WDFY4: variants seen among roughly 807,000 people sequenced by gnomAD.
WDFY4 encodes WD repeat- and FYVE domain-containing protein 4.
Under a neutral mutation model 351.9 loss-of-function variants are expected in WDFY4, and 169 were observed. That is an observed-to-expected ratio of 0.48 (90% CI 0.42 to 0.55). The LOEUF (loss-of-function observed/expected upper bound fraction) is 0.55, where lower values mean the gene tolerates loss of function less well. WDFY4 is among the 20% of genes least tolerant of loss of function. WDFY4 has a pLI of 0.00. For synonymous variants in WDFY4, 1,622 were observed against 1,574.6 expected (o/e 1.03, Z -0.71); for missense variants, 3,803 against 3,935.6 (o/e 0.97, Z 0.90).
chr10:48,898,705 TCCTCC>T (rs1289653649), intron 45 of WDFY4, among the ~76,000 whole-genome samples: 3 of 152,110 alleles, frequency 2.0e-5, no homozygotes, highest in Non-Finnish European at 4.4e-5. Context: ...TGAGCACTCT[TCCTCC>T]CTCTGCTGCT....
chr10:48,956,993 G>A, intron 51 of WDFY4, 136 bp from the exon 52 acceptor site: 2 of 1,171,414 alleles, frequency 1.7e-6, no homozygotes, highest in Non-Finnish European at 2.4e-6. Context: ...CTGGGCTGAT[G>A]GGTACACGTG....
chr10:48,954,071 G>T (rs1432673211), intron 51 of WDFY4, among the ~76,000 whole-genome samples: 2 of 152,056 alleles, frequency 1.3e-5, no homozygotes, highest in East Asian at 3.9e-4. Flanking sequence ...CTATTATTTT[G>T]CCCTCAATTT....
In WDFY4 at chr10:48,814,103, G is replaced by T. The variant is rs547234074; in HGVS notation, c.5340+21G>T. On this transcript the variant is annotated intron_variant, in intron 31 of 61. Coordinates refer to ENST00000325239, the MANE Select transcript of WDFY4 (RefSeq NM_001394531.1). ...GCCAGGTGAGACCCATTCCCCACAT[G>T]CTGCCCCGAGGAGGTTCTGATGGGA... The T allele has an allele frequency of 2.6e-6, 4 of 1,524,348 alleles. No homozygotes were observed. In the East Asian group the frequency reaches 9.9e-5, roughly 38 times the overall value. 94.4% of individuals were successfully genotyped at this position (1,524,348 alleles called of 1,614,324 possible).
chr10:48,918,277 G>T (rs1838733924), intron 47 of WDFY4, among the ~76,000 whole-genome samples: 2 of 152,054 alleles, frequency 1.3e-5, no homozygotes, highest in Admixed American at 6.6e-5. Flanking sequence ...CCAATTAAAA[G>T]ACACAATTAT....
At position 48,775,699 on chromosome 10, in the gene WDFY4, A is replaced by G. The variant is rs1233145700; in HGVS notation, c.2769-13A>G. ...AAATGTCTTCATTTTTTCCTCTTGT[A>G]TGTTATGTTCAGACAGTTTCTAGGT... On this transcript the variant is annotated splice_polypyrimidine_tract_variant and intron_variant, in intron 14 of 61. Coordinates refer to ENST00000325239, the MANE Select transcript of WDFY4 (RefSeq NM_001394531.1). 2 of 1,549,786 alleles carry G rather than the reference A, an allele frequency of 1.3e-6. No individual in the cohort carries two copies. The highest frequency in any genetic ancestry group is 1.7e-6 in the Non-Finnish European group (2 of 1,145,426).
intron 40 of WDFY4, among the ~76,000 whole-genome samples, chr10:48,867,920 G>C (rs1444516831): frequency 6.6e-6 from 1 of 152,188 alleles, no homozygotes; most frequent in Non-Finnish European, 1.5e-5. Flanking sequence ...ATAAAAAAAT[G>C]CAGAGATTAT....
chr10:48,901,766 C>CTGAT, intron 46 of WDFY4, 35 bp from the exon 47 acceptor site: 7 of 1,548,824 alleles, frequency 4.5e-6, no homozygotes, highest in Non-Finnish European at 5.2e-6. Context: ...GGTCTTGACT[C>CTGAT]TGCTGATGGA....
In WDFY4 at chr10:48,789,888, C is replaced by A; in HGVS notation, c.3969C>A (p.Ser1323=). The A allele has an allele frequency of 1.3e-6, 2 of 1,552,380 alleles. No homozygotes were observed. The highest frequency in any genetic ancestry group is 1.7e-6 in the Non-Finnish European group (2 of 1,147,126). ...RLIAKEMNIS[S]RDNAMPVFLL... ...CATTTCTCTAGATGAACATTTCATC[C>A]CGTGACAATGCCATGCCCGTGTTCT... The change falls in exon 22 of 62, where the codon TCC becomes TCA. Residue 1323 remains serine, a synonymous_variant. Coordinates refer to ENST00000325239, the MANE Select transcript of WDFY4 (RefSeq NM_001394531.1).
intron 47 of WDFY4, among the ~76,000 whole-genome samples, chr10:48,928,402 G>GTGT (rs1839766870): frequency 6.7e-6 from 1 of 149,506 alleles, no homozygotes; most frequent in Non-Finnish European, 1.5e-5. Flanking sequence ...GTGTGTTGGT[G>GTGT]GGGGTTGGCA....
intron 19 of WDFY4, among the ~76,000 whole-genome samples, chr10:48,784,070 T>C (rs574829282): frequency 6.6e-6 from 1 of 152,356 alleles, no homozygotes; most frequent in Admixed American, 6.5e-5. Context: ...GGATGTGCCA[T>C]AGTTTGTTTA....
In WDFY4 at chr10:48,810,452, G is replaced by T. The variant is rs1589665606; in HGVS notation, c.4839-78G>T. On this transcript the variant is annotated intron_variant, in intron 28 of 61. Coordinates refer to ENST00000325239, the MANE Select transcript of WDFY4 (RefSeq NM_001394531.1). ...TTGCCTCTCCTTGGTGACTTGTAAG[G>T]CTGGACATTTCATATTTTCTGGACA... 3 of 1,391,580 alleles carry T rather than the reference G, an allele frequency of 2.2e-6. No homozygotes were observed. In the East Asian group the frequency reaches 7.5e-5, roughly 35 times the overall value. The allele number at this position is 1,391,580 out of a possible 1,614,324, so 86.2% of individuals were successfully genotyped here.
intron 39 of WDFY4, among the ~76,000 whole-genome samples, chr10:48,843,131 G>C (rs894892310): frequency 1.3e-5 from 2 of 152,250 alleles, no homozygotes; most frequent in Admixed American, 1.3e-4. Flanking sequence ...CTTAGGGACA[G>C]ATACTCAGTT....
chr10:48,849,256 A>G (rs1656703328), intron 39 of WDFY4, among the ~76,000 whole-genome samples: 1 of 152,250 alleles, frequency 6.6e-6, no homozygotes, highest in Non-Finnish European at 1.5e-5. Context: ...AAGTCTATTT[A>G]TAAAATGGAA....
At chr10:48,704,951 G>A (rs1264168610) in intron 1 of WDFY4, among the ~76,000 whole-genome samples, 1 of 41,906 alleles carries the variant, frequency 2.4e-5, no homozygotes, top group Non-Finnish European at 8.3e-5. Flanking sequence ...TAATGCTAGA[G>A]GGGCCCTGGT....
rs1250073031 is a variant in WDFY4, at chr10:48,760,328, G to T, written c.2460-19G>T. On this transcript the variant is annotated intron_variant, in intron 12 of 61. Transcript: ENST00000325239. ...CTGGAAGGTCCGTGTCTCATGTCTG[G>T]CTCTCCCTCTCTCTGCAGGATGGAT... is the stretch of plus-strand genomic sequence containing the variant. 5 of 1,549,640 alleles carry T rather than the reference G, an allele frequency of 3.2e-6. No homozygotes were observed. Among genetic ancestry groups the T allele is most frequent in the Non-Finnish European group, 4.4e-6 (5 of 1,145,572 alleles).
At chr10:48,930,696 A>T (rs1009656306) in intron 47 of WDFY4, among the ~76,000 whole-genome samples, 1 of 152,246 alleles carries the variant, frequency 6.6e-6, no homozygotes, top group Non-Finnish European at 1.5e-5. Context: ...AGTAAAAAAA[A>T]ATTAGAAACA....
chr10:48,877,330 C>A, intron 43 of WDFY4, 131 bp downstream of exon 43: 2 of 878,866 alleles, frequency 2.3e-6, no homozygotes, highest in Non-Finnish European at 3.4e-6. Context: ...ACTTTCAACA[C>A]AATAATCAGT....
At chr10:48,978,097 G>C (rs936907243) in intron 59 of WDFY4, among the ~76,000 whole-genome samples, 3 of 152,178 alleles carry the variant, frequency 2.0e-5, no homozygotes, top group Non-Finnish European at 4.4e-5. Flanking sequence ...ATTCATTCAA[G>C]GTGCAACTGT....
chr10:48,779,943 G>A lies in WDFY4; in HGVS notation c.3400G>A (p.Val1134Ile). Reference sequence around the variant, plus strand: ...TCAGTGTTCATGCTGTCTTCCAGATGTCATGGAACCTGAGGATGACTCCGA... The same window carrying A: ...TCAGTGTTCATGCTGTCTTCCAGATATCATGGAACCTGAGGATGACTCCGA... Reference protein sequence around the residue: ...TEEKEFQPLDVMEPEDDSEPS... With the variant: ...TEEKEFQPLDIMEPEDDSEPS... The change falls in exon 19 of 62, where the codon GTC becomes ATC. Residue 1134 changes from valine to isoleucine, a missense_variant and splice_region_variant. Val to Ile is a conservative substitution (Grantham distance 29, BLOSUM62 3). This residue lies in a region of WDFY4 where 3,054 missense variants were observed against 3,148.6 expected (regional missense o/e 0.97). Transcript: ENST00000325239. 1.3e-6 allele frequency: 2 copies of A among 1,551,582 alleles called. No individual in the cohort carries two copies. The highest frequency in any genetic ancestry group is 2.0e-5 in the Admixed American group (1 of 51,006).
Sources: gnomAD v4.1 joint callset for allele counts (sites outside exome capture counted in the v4.1 genomes callset) on GRCh38, gnomAD v4.1.1 for gene constraint, gnomAD v4.1.1 regional missense constraint, MANE v1.5 for transcripts, NCBI Gene and HGNC (gene_info 2026-07-23, HGNC 2026-07-21) for gene names.